SBF1: variants seen among roughly 807,000 people sequenced by gnomAD.
SBF1 encodes the protein SET binding factor 1, also known as myotubularin-related protein 5.
In SBF1, 65 loss-of-function variants were observed where a neutral mutation model predicts 215.8. The ratio of observed to expected loss-of-function variants is 0.30; its 90% confidence interval spans 0.25 to 0.37. SBF1 has a LOEUF of 0.37. Ranked by LOEUF, SBF1 falls within the 10% of genes least tolerant of loss-of-function variation. SBF1 has a pLI of 1.00. For synonymous variants in SBF1, 1,410 were observed against 1,122.8 expected (o/e 1.26, Z -5.11); for missense variants, 2,634 against 2,667.8 (o/e 0.99, Z 0.28).
rs1298139183 is a variant in SBF1 at position 50,467,696 on chromosome 22, G to A, written c.280-6C>T. 2 of 1,610,110 alleles carry A rather than the reference G, an allele frequency of 1.2e-6. No homozygotes were observed. Among genetic ancestry groups the A allele is most frequent in the Admixed American group, 1.7e-5 (1 of 59,778 alleles). ...TCCTCCACGCGCGTCGTTTCCTGCTGGGGGTCAGGGGGAGACGGGGGCAGG... is the reference window on the plus strand; with the variant it reads ...TCCTCCACGCGCGTCGTTTCCTGCTAGGGGTCAGGGGGAGACGGGGGCAGG... On this transcript the variant is annotated splice_polypyrimidine_tract_variant and splice_region_variant and intron_variant, in intron 3 of 40. Transcript: ENST00000380817.
At position 50,451,367 on chromosome 22, in the gene SBF1, T is replaced by C. The variant is rs1414264786; in HGVS notation, c.5044-2717A>G. On this transcript the variant is annotated intron_variant, in intron 36 of 40. Transcript: ENST00000380817. ...CTCAAGAAATTAAAAAAAAATTCAT[T>C]TGATGGGCTTCAGTATATTAAAAAC... Among the ~76,000 whole-genome samples, 4 of 152,042 alleles carry C rather than the reference T, an allele frequency of 2.6e-5. No individual in the cohort carries two copies. In the East Asian group the frequency reaches 7.7e-4, roughly 29 times the overall value.
chr22:50,475,006 C>G lies in SBF1; in HGVS notation c.-166G>C, dbSNP rs1022790557. The G allele has an allele frequency of 8.9e-6, 2 of 225,394 alleles. No individual in the cohort carries two copies. The highest frequency in any genetic ancestry group is 7.7e-6 in the Non-Finnish European group (1 of 129,452). The allele number at this position is 225,394 out of a possible 1,614,324, so 14.0% of individuals were successfully genotyped here. On this transcript the variant is annotated 5_prime_UTR_variant, in exon 1 of 41. Coordinates refer to ENST00000380817, the MANE Select transcript of SBF1 (RefSeq NM_002972.4). ...GCGGCGGCGGCGGCCCAGGTTCCCG[C>G]CGCCATCTTCCCAGCCAGCCGGCCC... is the stretch of plus-strand genomic sequence containing the variant.
rs763173046 is a variant in SBF1 at position 50,447,384 on chromosome 22, C to G, written c.5521G>C (p.Val1841Leu). ...GVIDLAEVEAVAPGTPTMGAP... is the reference protein window; with the variant it reads ...GVIDLAEVEALAPGTPTMGAP... ...CCCATAGTGGGCGTGCCAGGTGCCA[C>G]AGCCTCCACCTCCGCCAAGTCGATG... The change falls in exon 40 of 41, where the codon GTG (valine) becomes CTG (leucine). Residue 1841 changes from valine to leucine, a missense_variant. Coordinates refer to ENST00000380817, the MANE Select transcript of SBF1 (RefSeq NM_002972.4). 6.2e-7 allele frequency: 1 copy of G among 1,613,982 alleles called. No homozygotes were observed. Among genetic ancestry groups the G allele is most frequent in the East Asian group, 2.2e-5 (1 of 44,872 alleles).
In SBF1 at chr22:50,463,048, T is replaced by A. The variant is rs896392415; in HGVS notation, c.1900-110A>T. 30 of 1,241,382 alleles carry A rather than the reference T, an allele frequency of 2.4e-5. 1 individual carries two copies. Among genetic ancestry groups the A allele is most frequent in the Non-Finnish European group, 3.2e-5 (28 of 867,526 alleles). The allele number at this position is 1,241,382 out of a possible 1,614,324, so 76.9% of individuals were successfully genotyped here. A position where few individuals can be genotyped will look rare whatever the true frequency, so the allele number is the denominator to read the frequency against. ...ACCACAGACCAGCACCTGACACCCT[T>A]GGCTCCAGCTCCCCAAGGCTGCCTC... On this transcript the variant is annotated intron_variant, in intron 16 of 40. Coordinates refer to ENST00000380817, the MANE Select transcript of SBF1 (RefSeq NM_002972.4).
rs975826386 is a variant in SBF1, at chr22:50,446,833, T to G, written c.*309A>C. On this transcript the variant is annotated 3_prime_UTR_variant, in exon 41 of 41. Transcript: ENST00000380817. The stretch of plus-strand genomic sequence containing the variant: ...GCGTTAGTTCTCTCTTTATATAGAC[T>G]CTGGTTCTAGAAACTCGCCTGCAGC... 5 of 710,668 alleles carry G rather than the reference T, an allele frequency of 7.0e-6. No individual in the cohort carries two copies. In the African/African-American group the frequency reaches 8.6e-5, roughly 12 times the overall value. 44.0% of individuals were successfully genotyped at this position (710,668 alleles called of 1,614,324 possible).
chr22:50,447,732 A>G (rs2066890069), intron 38 of SBF1, 123 bp from the exon 39 acceptor site: 1 of 701,478 alleles, frequency 1.4e-6, no homozygotes, highest in Non-Finnish European at 2.4e-6. Context: ...CTGTCCCCAG[A>G]ACTGACCTAA....
chr22:50,470,589 C>T (rs573501088), intron 1 of SBF1, among the ~76,000 whole-genome samples: 1 of 152,274 alleles, frequency 6.6e-6, no homozygotes, highest in East Asian at 1.9e-4. Flanking sequence ...AGAGCACCCC[C>T]TCCCCTGGGA....
intron 29 of SBF1, 144 bp downstream of exon 29, chr22:50,456,890 G>A (rs1356829802): frequency 2.6e-6 from 2 of 761,516 alleles, no homozygotes; most frequent in Non-Finnish European, 4.0e-6. Flanking sequence ...TCACGGGTCA[G>A]GGAGGTAAGG....
rs1414719587 is a variant in SBF1 at position 50,462,592 on chromosome 22, G to A, written c.2094C>T (p.Tyr698=). The A allele has an allele frequency of 6.2e-7, 1 of 1,612,382 alleles. No homozygotes were observed. The highest frequency in any genetic ancestry group is 1.1e-5 in the South Asian group (1 of 90,954). ...GDVQTHIRAL[Y]LEPTEDLAPA... ...GGGCCAGGTCCTCCGTGGGCTCCAG[G>A]TAGAGGGCCCGGATGTGAGTCTGCA... The change falls in exon 18 of 41, where the codon TAC becomes TAT. Residue 698 remains tyrosine, a synonymous_variant. Coordinates refer to ENST00000380817, the MANE Select transcript of SBF1 (RefSeq NM_002972.4).
At chr22:50,461,756 C>T (rs747703718) in intron 21 of SBF1, 38 bp from the exon 22 acceptor site, 24 of 1,611,004 alleles carry the variant, frequency 1.5e-5, no homozygotes, top group Middle Eastern at 1.7e-4. Context: ...GGATGCAGCC[C>T]GGGCCTTGGG....
chr22:50,465,457 T>G, intron 10 of SBF1, 129 bp from the exon 11 acceptor site: 1 of 798,700 alleles, frequency 1.3e-6, no homozygotes, highest in South Asian at 1.7e-5. Flanking sequence ...CTCCCACCAT[T>G]CTGCACTCAG....
In SBF1 at chr22:50,464,750, C is replaced by T. The variant is rs377210668; in HGVS notation, c.1432-12G>A. The T allele has an allele frequency of 6.0e-4, 970 of 1,608,276 alleles. 1 individual carries two copies. Among genetic ancestry groups the T allele is most frequent in the Non-Finnish European group, 7.7e-4 (910 of 1,177,354 alleles). ...GGGTACGGGTTCTCCTGTGGGGAGACGGCAGGTGTGGGGCAGGGGCCCAGG... is the reference window on the plus strand; with the variant it reads ...GGGTACGGGTTCTCCTGTGGGGAGATGGCAGGTGTGGGGCAGGGGCCCAGG... On this transcript the variant is annotated splice_polypyrimidine_tract_variant and intron_variant, in intron 13 of 40. Coordinates refer to ENST00000380817, the MANE Select transcript of SBF1 (RefSeq NM_002972.4).
In SBF1 at chr22:50,464,454, A is replaced by G; in HGVS notation, c.1637-13T>C. On this transcript the variant is annotated splice_polypyrimidine_tract_variant and intron_variant, in intron 14 of 40. Coordinates refer to ENST00000380817, the MANE Select transcript of SBF1 (RefSeq NM_002972.4). ...TCCAGTATGGCAGCTGCGGGGACAG[A>G]ATACACACACTCGGACCCCTGACCC... 6.2e-7 allele frequency: 1 copy of G among 1,611,454 alleles called. No homozygotes were observed. The highest frequency in any genetic ancestry group is 8.5e-7 in the Non-Finnish European group (1 of 1,178,232).
chr22:50,459,425 G>A (rs1327888110), intron 27 of SBF1, 33 bp from the exon 28 acceptor site: 19 of 1,611,838 alleles, frequency 1.2e-5, no homozygotes, highest in Non-Finnish European at 1.4e-5. Context: ...GGGAGGGGAG[G>A]GTGAGATAGG....
chr22:50,447,689 G>T, intron 38 of SBF1, 80 bp from the exon 39 acceptor site: 1 of 1,042,930 alleles, frequency 9.6e-7, no homozygotes, highest in Non-Finnish European at 1.4e-6. Flanking sequence ...TCCCCCCCTT[G>T]CTGTCCCAGC....
In SBF1 at chr22:50,454,848, A is replaced by T; in HGVS notation, c.4778T>A (p.Phe1593Tyr). 6.2e-7 allele frequency: 1 copy of T among 1,613,990 alleles called. No homozygotes were observed. Among genetic ancestry groups the T allele is most frequent in the Non-Finnish European group, 8.5e-7 (1 of 1,179,978 alleles). ...VDRLSKRTPVFHNYMYAPEDA... is the reference protein window; with the variant it reads ...VDRLSKRTPVYHNYMYAPEDA... The stretch of plus-strand genomic sequence containing the variant: ...CTCGGGCGCATACATGTAATTGTGG[A>T]ACACAGGCGTCCTCTTGCTCAGCCG... Residue 1593 changes from phenylalanine to tyrosine, a missense_variant, in exon 35 of 41, where the codon TTC becomes TAC. Coordinates refer to ENST00000380817, the MANE Select transcript of SBF1 (RefSeq NM_002972.4).
chr22:50,471,119 C>T (rs1418591110), intron 1 of SBF1, among the ~76,000 whole-genome samples: 3 of 152,194 alleles, frequency 2.0e-5, no homozygotes, highest in African/African-American at 7.2e-5. Context: ...GTGCCCTCCC[C>T]ACTCCTCCCC....
At chr22:50,450,337 A>C (rs1003149011) in intron 36 of SBF1, among the ~76,000 whole-genome samples, 1 of 152,134 alleles carries the variant, frequency 6.6e-6, no homozygotes, top group African/African-American at 2.4e-5. Context: ...CCTGGTAAAC[A>C]TGGCAAAACC....
chr22:50,465,670 G>T lies in SBF1; in HGVS notation c.1089+93C>A, dbSNP rs1340099022. 1.2e-5 allele frequency: 15 copies of T among 1,213,088 alleles called. No individual in the cohort carries two copies. The South Asian group carries it at 1.8e-4, about 14-fold the overall frequency. 75.1% of individuals were successfully genotyped at this position (1,213,088 alleles called of 1,614,324 possible). ...CTGCTACTGGAGCCGGGGCCAGCCT[G>T]GGGGTGGGGCCCTGTGTGTCAGTGG... On this transcript the variant is annotated intron_variant, in intron 10 of 40. Coordinates refer to ENST00000380817, the MANE Select transcript of SBF1 (RefSeq NM_002972.4).
Sources: gnomAD v4.1 joint callset for allele counts (sites outside exome capture counted in the v4.1 genomes callset) on GRCh38, gnomAD v4.1.1 for gene constraint, MANE v1.5 for transcripts, NCBI Gene and HGNC (gene_info 2026-07-23, HGNC 2026-07-21) for gene names.